NELL1: variants seen among roughly 807,000 people sequenced by gnomAD.
NELL1 encodes protein kinase C-binding protein NELL1.
A neutral mutation model predicts 107.4 loss-of-function variants in NELL1; 76 were observed. The observed-to-expected ratio is 0.71, with a 90% confidence interval of 0.59 to 0.86. The LOEUF (loss-of-function observed/expected upper bound fraction) is 0.86. Ranked by LOEUF, NELL1 falls within the 40% of genes least tolerant of loss-of-function variation. NELL1 has a pLI of 0.00. For missense variants in NELL1, 1,024 were observed against 1,005.5 expected (o/e 1.02, Z -0.25); for synonymous variants, 353 against 341.2 (o/e 1.03, Z -0.38).
chr11:21,241,391 A>G (rs1429336219), intron 14 of NELL1, among the ~76,000 whole-genome samples: 1 of 152,102 alleles, frequency 6.6e-6, no homozygotes, highest in Admixed American at 6.6e-5. Context: ...GAACTGTCTC[A>G]CCTGGTTGGG....
chr11:21,071,170 A>G (rs1317011630), intron 12 of NELL1, among the ~76,000 whole-genome samples: 1 of 152,108 alleles, frequency 6.6e-6, no homozygotes, highest in African/African-American at 2.4e-5. Context: ...CCTCAGTTTT[A>G]TTATTTGCAA....
At chr11:20,869,839 T>C (rs375900636) in intron 4 of NELL1, among the ~76,000 whole-genome samples, 1 of 152,206 alleles carries the variant, frequency 6.6e-6, no homozygotes, top group South Asian at 2.1e-4. Flanking sequence ...TTGCTTGCCT[T>C]ATAGCGTATC....
intron 9 of NELL1, among the ~76,000 whole-genome samples, chr11:20,929,206 C>T (rs1478690313): frequency 6.6e-6 from 1 of 152,150 alleles, no homozygotes; most frequent in Non-Finnish European, 1.5e-5. Context: ...TGGTCCTCTA[C>T]AGAAAAGGAG....
chr11:20,758,140 G>A (rs1378544265), intron 2 of NELL1, among the ~76,000 whole-genome samples: 3 of 152,062 alleles, frequency 2.0e-5, no homozygotes, highest in Admixed American at 6.6e-5. Flanking sequence ...ATCATATTGA[G>A]GGCTTCAACA....
At chr11:21,513,495 T>A (rs1855489712) in intron 15 of NELL1, among the ~76,000 whole-genome samples, 1 of 152,164 alleles carries the variant, frequency 6.6e-6, no homozygotes, top group African/African-American at 2.4e-5. Context: ...GAAATATATC[T>A]TTTTCAAATT....
intron 2 of NELL1, among the ~76,000 whole-genome samples, chr11:20,708,677 C>G (rs1408367129): frequency 3.3e-5 from 5 of 152,030 alleles, no homozygotes; most frequent in African/African-American, 1.2e-4. Context: ...TTTTGGTTGT[C>G]TGTTTACTCT....
intron 5 of NELL1, among the ~76,000 whole-genome samples, chr11:20,894,260 A>T (rs1379633381): frequency 3.9e-5 from 6 of 152,208 alleles, no homozygotes; most frequent in African/African-American, 1.4e-4. Context: ...AATAACTATA[A>T]AGGAAAAGAC....
At chr11:20,844,715 A>G (rs1848675346) in intron 3 of NELL1, among the ~76,000 whole-genome samples, 1 of 152,216 alleles carries the variant, frequency 6.6e-6, no homozygotes, top group Non-Finnish European at 1.5e-5. Flanking sequence ...CTGGCATACT[A>G]CTATAGTGCT....
At chr11:21,363,356 C>A (rs1029976891) in intron 14 of NELL1, among the ~76,000 whole-genome samples, 9 of 152,146 alleles carry the variant, frequency 5.9e-5, no homozygotes, top group Non-Finnish European at 1.2e-4. Flanking sequence ...AGGTAAAATC[C>A]TTCTTTGGTG....
At position 21,289,451 on chromosome 11, in the gene NELL1, C is replaced by T. The variant is rs553899178; in HGVS notation, c.1549+59997C>T. Among the ~76,000 whole-genome samples the T allele has an allele frequency of 5.3e-5, 8 of 152,300 alleles. No individual in the cohort carries two copies. In the East Asian group the frequency reaches 1.4e-3, roughly 26 times the overall value. On this transcript the variant is annotated intron_variant, in intron 14 of 19. Transcript: ENST00000357134. ...CCTAGCCAAGGGAAGCCATGAGGGA[C>T]TGTGCCGTGAGGAACAGTGCATTCT...
chr11:21,100,394 T>C (rs1565059268), intron 12 of NELL1, among the ~76,000 whole-genome samples: 1 of 152,192 alleles, frequency 6.6e-6, no homozygotes, highest in Non-Finnish European at 1.5e-5. Flanking sequence ...TCATCGCTAT[T>C]TTCAAAGCTT....
intron 14 of NELL1, among the ~76,000 whole-genome samples, chr11:21,332,712 C>A (rs1850299258): frequency 6.6e-6 from 1 of 151,894 alleles, no homozygotes; most frequent in South Asian, 2.1e-4. Context: ...TATTAGCTAA[C>A]AATATTTTCC....
At chr11:20,855,289 T>A (rs945037260) in intron 4 of NELL1, among the ~76,000 whole-genome samples, 1 of 152,138 alleles carries the variant, frequency 6.6e-6, no homozygotes, top group Non-Finnish European at 1.5e-5. Context: ...GAGAGAGTGA[T>A]CTGCATTTTT....
At chr11:21,522,946 G>A (rs1184193625) in intron 15 of NELL1, among the ~76,000 whole-genome samples, 1 of 139,858 alleles carries the variant, frequency 7.2e-6, no homozygotes, top group Non-Finnish European at 1.5e-5. Context: ...CCGGGTTCAC[G>A]CCATTCTCCT....
intron 15 of NELL1, among the ~76,000 whole-genome samples, chr11:21,448,199 G>GT (rs753887764): frequency 2.6e-5 from 4 of 152,074 alleles, no homozygotes; most frequent in Admixed American, 6.6e-5. Context: ...TTATGCAGGT[G>GT]TTTTTTTGTG....
At chr11:21,422,093 A>ATGTG (rs1491095899) in intron 15 of NELL1, among the ~76,000 whole-genome samples, 204 of 90,760 alleles carry the variant, frequency 2.2e-3, no homozygotes, top group African/African-American at 6.9e-3. Context: ...ACATTTACAC[A>ATGTG]TATGTGTGTG....
chr11:20,712,627 A>G (rs933016958), intron 2 of NELL1, among the ~76,000 whole-genome samples: 2 of 152,184 alleles, frequency 1.3e-5, no homozygotes, highest in African/African-American at 4.8e-5. Context: ...GAGGTCTGCA[A>G]CTAAAGGCCT....
chr11:21,557,336 T>C (rs1407734291), intron 16 of NELL1, among the ~76,000 whole-genome samples: 1 of 152,078 alleles, frequency 6.6e-6, no homozygotes, highest in Admixed American at 6.6e-5. Context: ...TAGGTATGTT[T>C]ATCTTTATGC....
At chr11:21,307,754 T>C (rs575138856) in intron 14 of NELL1, among the ~76,000 whole-genome samples, 1 of 152,082 alleles carries the variant, frequency 6.6e-6, no homozygotes, top group South Asian at 2.1e-4. Context: ...GCAAAATTTA[T>C]TTATACTCTT....
Sources: allele counts gnomAD v4.1 joint callset (sites outside exome capture counted in the v4.1 genomes callset), GRCh38; gene constraint gnomAD v4.1.1; transcripts MANE v1.5; gene names NCBI Gene and HGNC (gene_info 2026-07-23, HGNC 2026-07-21).